Variants in SDK2 observed in about 807,000 individuals in gnomAD.
SDK2 encodes protein sidekick-2.
A neutral mutation model predicts 253.9 loss-of-function variants in SDK2; 105 were observed. The ratio of observed to expected loss-of-function variants is 0.41; its 90% CI spans 0.35 to 0.49. SDK2 has a LOEUF of 0.49. SDK2 is among the 20% of genes least tolerant of loss of function. SDK2 has a pLI of 0.06. For synonymous variants in SDK2, 1,249 were observed against 1,234.9 expected, an observed-to-expected ratio of 1.01 and a Z score of -0.24; for missense variants, 2,608 against 3,003.0, an observed-to-expected ratio of 0.87 and a Z score of 3.07.
rs373146531 is a variant in SDK2, at chr17:73,379,535, T to C, written c.4777A>G (p.Arg1593Gly). The C allele has an allele frequency of 5.3e-5, 85 of 1,611,292 alleles. No individual in the cohort carries two copies. The South Asian group carries it at 8.0e-4, about 15-fold the overall frequency. The change falls in exon 35 of 45, where the codon AGG becomes GGG. Residue 1593 changes from arginine to glycine, a missense_variant. Coordinates refer to ENST00000392650, the MANE Select transcript of SDK2 (RefSeq NM_001144952.2). The surrounding 1 kb of genome is among the most constrained non-coding windows in gnomAD (Gnocchi z 4.5). ...ACGCTCATCCGTATCTCGTACCGCC[T>C]GTGCTTGTTCAGGTCTGTGGGGGAG... is the stretch of plus-strand genomic sequence containing the variant. ...QYELDNLNKH[R>G]RYEIRMSVYN... is the part of the protein sequence containing the mutation.
chr17:73,530,248 G>A (rs1427908880), intron 1 of SDK2, among the ~76,000 whole-genome samples: 1 of 152,222 alleles, frequency 6.6e-6, no homozygotes, highest in Non-Finnish European at 1.5e-5. Context: ...TTGACTCACA[G>A]TTCTGCATGG....
chr17:73,592,044 C>T (rs790088), intron 1 of SDK2, among the ~76,000 whole-genome samples: 22,619 of 152,200 alleles, frequency 0.15, 1,850 homozygotes, highest in East Asian at 0.32. Context: ...TTGATCTCTG[C>T]GGTCCCCTTC....
At chr17:73,588,387 CAAAA>C (rs1215654213) in intron 1 of SDK2, among the ~76,000 whole-genome samples, 4 of 59,030 alleles carry the variant, frequency 6.8e-5, no homozygotes, top group South Asian at 5.3e-4. Context: ...AACTCCATCT[CAAAA>C]AAAAAAAAAA....
intron 12 of SDK2, among the ~76,000 whole-genome samples, chr17:73,425,198 C>A (rs145483594): frequency 6.6e-6 from 1 of 151,804 alleles, no homozygotes; most frequent in Non-Finnish European, 1.5e-5. Flanking sequence ...CCAGCCTGGG[C>A]GACACAGCAA....
intron 12 of SDK2, among the ~76,000 whole-genome samples, chr17:73,426,108 G>A (rs888685840): frequency 2.0e-5 from 3 of 148,282 alleles, no homozygotes; most frequent in African/African-American, 7.5e-5. Context: ...GCAGTGGTGC[G>A]ATCTTGGCTC....
Position 73,368,581 on chromosome 17 carries a change from C to T in SDK2, c.4993G>A (p.Glu1665Lys), listed in dbSNP as rs2062706787. ...DIQGYKIYFW[E>K]AQRGNLTERV... ...TCTGTGAGGTTCCCCCGCTGGGCTTCCCAGAAATAAATCTGTGGGAACAGA... is the reference window on the plus strand; with the variant it reads ...TCTGTGAGGTTCCCCCGCTGGGCTTTCCAGAAATAAATCTGTGGGAACAGA... The change falls in exon 37 of 45, where the codon GAA becomes AAA. Residue 1665 changes from glutamate to lysine, a missense_variant. Around this residue, in one of 2 missense-constraint regions of SDK2, gnomAD observed 1,103 missense variants for 1,143.9 expected, o/e 0.96. Transcript: ENST00000392650. 1 of 1,584,664 alleles carries T rather than the reference C, an allele frequency of 6.3e-7. No homozygotes were observed. Among genetic ancestry groups the T allele is most frequent in the Admixed American group, 1.8e-5 (1 of 55,764 alleles).
At chr17:73,440,768 G>A (rs529911189) in intron 6 of SDK2, 44 bp downstream of exon 6, 2 of 1,394,680 alleles carry the variant, frequency 1.4e-6, no homozygotes, top group Non-Finnish European at 2.0e-6. Context: ...GGGAGCAGCA[G>A]CTGGAGTTAC....
At chr17:73,353,442 CAG>C (rs1265967523) in intron 40 of SDK2, among the ~76,000 whole-genome samples, 8 of 152,250 alleles carry the variant, frequency 5.3e-5, no homozygotes, top group African/African-American at 1.7e-4. Context: ...TGTTTCGAGA[CAG>C]AGTTTCGCTC....
intron 31 of SDK2, among the ~76,000 whole-genome samples, 186 bp downstream of exon 31, chr17:73,386,259 C>G (rs1306643002): frequency 1.3e-5 from 2 of 152,186 alleles, no homozygotes; most frequent in African/African-American, 4.8e-5. Context: ...GGGCCTGGGA[C>G]CCTGAGCCCT....
In SDK2 at chr17:73,362,407, T is replaced by A. The variant is rs1017682781; in HGVS notation, c.5306-562A>T. ...CCTCCAGCACCTATATCTGCCACAA[T>A]TTTTTTTTTTTTTTTAAGACAAGGT... On this transcript the variant is annotated intron_variant, in intron 38 of 44. Coordinates refer to ENST00000392650, the MANE Select transcript of SDK2 (RefSeq NM_001144952.2). Among the ~76,000 whole-genome samples the A allele has an allele frequency of 6.8e-4, 35 of 51,478 alleles. 1 individual carries two copies. The highest frequency in any genetic ancestry group is 1.1e-3 in the Non-Finnish European group (31 of 28,656). 33.8% of individuals were successfully genotyped at this position (51,478 alleles called of 152,430 possible). A position where few individuals can be genotyped will look rare whatever the true frequency, so the allele number is the denominator to read the frequency against.
intron 43 of SDK2, 78 bp from the exon 44 acceptor site, chr17:73,348,803 G>C: frequency 1.7e-6 from 2 of 1,197,976 alleles, no homozygotes; most frequent in South Asian, 2.8e-5. Context: ...GACCACAGTG[G>C]GGGCCTGGGG....
intron 1 of SDK2, among the ~76,000 whole-genome samples, chr17:73,626,226 G>T (rs997248804): frequency 8.5e-5 from 13 of 152,368 alleles, no homozygotes; most frequent in African/African-American, 3.1e-4. Context: ...GCCTGAGCGA[G>T]CTGGGGAACA....
chr17:73,436,576 CAAAAA>C (rs56089526), intron 8 of SDK2, among the ~76,000 whole-genome samples: 1 of 38,832 alleles, frequency 2.6e-5, no homozygotes, highest in Non-Finnish European at 4.6e-5. Flanking sequence ...GACTCAGTCT[CAAAAA>C]AAAAAAAAAA....
rs984489076 is a variant in SDK2, at chr17:73,352,448, A to T, written c.5758+25T>A. 2 of 1,597,572 alleles carry T rather than the reference A, an allele frequency of 1.3e-6. No individual in the cohort carries two copies. On this transcript the variant is annotated intron_variant, in intron 41 of 44. Coordinates refer to ENST00000392650, the MANE Select transcript of SDK2 (RefSeq NM_001144952.2). The surrounding 1 kb of genome is among the most constrained non-coding windows in gnomAD (Gnocchi z 4.1). ...CCAGGCTCTGCTGTGGGGCTCCCCC[A>T]CTCCCTCAGCCCCCAGGCCGGTACC...
chr17:73,440,913 C>A lies in SDK2; in HGVS notation c.624G>T (p.Gly208=), dbSNP rs780147488. Residue 208 remains glycine (G), a synonymous_variant, in exon 6 of 45, where the codon GGG becomes GGT. Coordinates refer to ENST00000392650, the MANE Select transcript of SDK2 (RefSeq NM_001144952.2). Reference sequence around the variant, plus strand: ...TGGTGGGTGCGATGGGGTCTGCAGGCCCCCCTACATCTGGAGAGAGATCAG... The same window carrying A: ...TGGTGGGTGCGATGGGGTCTGCAGGACCCCCTACATCTGGAGAGAGATCAG... ...PITLTVENVG[G]PADPIAPTII... 2.0e-5 allele frequency: 31 copies of A among 1,549,068 alleles called. No homozygotes were observed. Among genetic ancestry groups the A allele is most frequent in the Non-Finnish European group, 2.6e-5 (30 of 1,145,014 alleles).
intron 40 of SDK2, 127 bp downstream of exon 40, chr17:73,357,952 G>A: frequency 7.1e-7 from 1 of 1,415,610 alleles, no homozygotes; most frequent in Non-Finnish European, 9.9e-7. Flanking sequence ...AGGGCCAGGT[G>A]ACTTCACCTG....
chr17:73,538,597 C>T (rs371664589), intron 1 of SDK2, among the ~76,000 whole-genome samples: 3 of 152,194 alleles, frequency 2.0e-5, no homozygotes, highest in East Asian at 1.9e-4. Context: ...TCCTGGCCTC[C>T]GAATGAACAG....
intron 1 of SDK2, among the ~76,000 whole-genome samples, chr17:73,606,697 A>T (rs1277915484): frequency 1.3e-5 from 2 of 151,728 alleles, no homozygotes; most frequent in African/African-American, 4.8e-5. Context: ...GTCACGATCG[A>T]CTCTATCCAT....
intron 1 of SDK2, among the ~76,000 whole-genome samples, chr17:73,509,902 C>CAAAA (rs71157018): frequency 0.021 from 531 of 24,796 alleles, 71 homozygotes; most frequent in African/African-American, 0.092. Flanking sequence ...TCCATCTCTA[C>CAAAA]AAAAAAAAAA....
Sources: gnomAD v4.1 joint callset for allele counts (sites outside exome capture counted in the v4.1 genomes callset) on GRCh38, gnomAD v4.1.1 for gene constraint, gnomAD v4.1.1 regional missense constraint, Gnocchi (gnomAD v3.1) non-coding constraint, MANE v1.5 for transcripts, NCBI Gene and HGNC (gene_info 2026-07-23, HGNC 2026-07-21) for gene names.